The following CTNNA3 variants were observed in gnomAD, a reference collection of about 807,000 sequenced individuals.
The protein encoded by CTNNA3 is catenin alpha 3, also known as catenin alpha-3.
CTNNA3 carries 76 observed loss-of-function variants against 95.7 expected under a neutral mutation model. The observed-to-expected ratio is 0.79, with a 90% CI of 0.66 to 0.96. The LOEUF is 0.96. Among genes scored for constraint, CTNNA3 ranks in the 40% least tolerant of loss-of-function variants. CTNNA3 has a pLI of 0.00. For missense variants in CTNNA3, 1,191 were observed against 1,089.8 expected (o/e 1.09, Z -1.31); for synonymous variants, 431 against 374.4 (o/e 1.15, Z -1.74).
intron 3 of CTNNA3, among the ~76,000 whole-genome samples, chr10:67,549,755 T>C (rs749920240): frequency 1.4e-4 from 22 of 152,210 alleles, no homozygotes; most frequent in Non-Finnish European, 2.4e-4. Flanking sequence ...TGAAAAATTA[T>C]ATAAAATGTA....
At chr10:66,853,141 C>A (rs61476879) in intron 7 of CTNNA3, among the ~76,000 whole-genome samples, 1 of 152,172 alleles carries the variant, frequency 6.6e-6, no homozygotes, top group African/African-American at 2.4e-5. Flanking sequence ...CTATATGCAA[C>A]GCAAATTTTA....
At chr10:66,155,291 C>T (rs1156375470) in intron 13 of CTNNA3, among the ~76,000 whole-genome samples, 1 of 151,642 alleles carries the variant, frequency 6.6e-6, no homozygotes, top group East Asian at 1.9e-4. Flanking sequence ...TTCAGTGATT[C>T]CATAAGCCAA....
chr10:66,690,557 T>G (rs1481316199), intron 9 of CTNNA3, among the ~76,000 whole-genome samples: 13 of 150,754 alleles, frequency 8.6e-5, no homozygotes, highest in Non-Finnish European at 1.5e-4. Context: ...TTCCCACCTA[T>G]GAGTGAGAAT....
intron 13 of CTNNA3, among the ~76,000 whole-genome samples, chr10:66,252,812 A>G (rs1470768758): frequency 6.6e-6 from 1 of 152,248 alleles, no homozygotes; most frequent in African/African-American, 2.4e-5. Flanking sequence ...TTCTGGCTCC[A>G]GCCATCAGGT....
rs146661604 is a variant in CTNNA3, at chr10:65,950,395, T to G, written c.2400+16217A>C. ...TACTATCCTAGAATCTACAGCTACT[T>G]GATTTTTTTTTTTGTCTTCTCTCCC... On this transcript the variant is annotated intron_variant, in intron 17 of 17. Coordinates refer to ENST00000433211, the MANE Select transcript of CTNNA3 (RefSeq NM_013266.4). 5.7e-4 allele frequency among the ~76,000 whole-genome samples: 87 copies of G among 151,886 alleles called. 2 individuals are homozygous for G. The highest frequency in any genetic ancestry group is 2.0e-3 in the African/African-American group (84 of 41,282).
intron 7 of CTNNA3, among the ~76,000 whole-genome samples, chr10:66,903,156 G>A (rs1332109923): frequency 6.6e-6 from 1 of 152,134 alleles, no homozygotes; most frequent in East Asian, 1.9e-4. Context: ...GAATCCAGCA[G>A]CACATCAAAA....
chr10:66,618,767 A>G (rs1252997395), intron 10 of CTNNA3, among the ~76,000 whole-genome samples: 1 of 152,092 alleles, frequency 6.6e-6, no homozygotes, highest in African/African-American at 2.4e-5. Context: ...ATCAGAGTGA[A>G]CAGGCAACCT....
intron 7 of CTNNA3, among the ~76,000 whole-genome samples, chr10:67,127,119 T>C (rs1262563951): frequency 6.6e-6 from 1 of 152,226 alleles, no homozygotes; most frequent in Non-Finnish European, 1.5e-5. Context: ...TCCCGCTTTA[T>C]TTTGATGTAT....
chr10:67,482,424 T>C (rs1182138706), intron 5 of CTNNA3, among the ~76,000 whole-genome samples: 1 of 152,102 alleles, frequency 6.6e-6, no homozygotes, highest in Non-Finnish European at 1.5e-5. Context: ...TTTTATTTCA[T>C]TGAGCAGTGG....
At chr10:66,399,079 A>C (rs1270195377) in intron 11 of CTNNA3, among the ~76,000 whole-genome samples, 3 of 152,000 alleles carry the variant, frequency 2.0e-5, no homozygotes, top group Non-Finnish European at 2.9e-5. Flanking sequence ...TCCTATTTTT[A>C]GGGTTAGAGG....
intron 9 of CTNNA3, among the ~76,000 whole-genome samples, chr10:66,684,570 T>C (rs1847180668): frequency 1.3e-5 from 2 of 152,278 alleles, no homozygotes; most frequent in South Asian, 4.1e-4. Context: ...CTTCAATTAA[T>C]TAACATTTAA....
At chr10:67,367,239 G>A (rs2394377) in intron 5 of CTNNA3, among the ~76,000 whole-genome samples, 135,192 of 152,148 alleles carry the variant, frequency 0.89, 61,167 homozygotes, top group East Asian at 1. Context: ...TTCAACAAGC[G>A]AAAAACAAAT....
At chr10:67,349,651 T>A (rs1051319421) in intron 5 of CTNNA3, among the ~76,000 whole-genome samples, 2 of 152,162 alleles carry the variant, frequency 1.3e-5, no homozygotes, top group Non-Finnish European at 2.9e-5. Context: ...CCTATAGTTA[T>A]CAATACTATA....
chr10:67,717,662 G>A (rs1841152301), intron 1 of CTNNA3, among the ~76,000 whole-genome samples: 1 of 152,092 alleles, frequency 6.6e-6, no homozygotes, highest in South Asian at 2.1e-4. Flanking sequence ...CCTCTGTTCT[G>A]TTCCATTGGT....
intron 5 of CTNNA3, among the ~76,000 whole-genome samples, chr10:67,357,859 A>G (rs1343854220): frequency 6.6e-6 from 1 of 152,126 alleles, no homozygotes. Flanking sequence ...TAAAAGTCCA[A>G]GAACTTGAAC....
chr10:66,574,744 GT>G (rs1367176611), intron 10 of CTNNA3, among the ~76,000 whole-genome samples: 2 of 152,066 alleles, frequency 1.3e-5, no homozygotes, highest in Non-Finnish European at 2.9e-5. Flanking sequence ...AAGTGTAACA[GT>G]TTTTTTACTA....
chr10:66,445,698 C>A (rs946825094), intron 11 of CTNNA3, among the ~76,000 whole-genome samples: 1 of 151,686 alleles, frequency 6.6e-6, no homozygotes, highest in Non-Finnish European at 1.5e-5. Context: ...ATTTATAGCA[C>A]TAAATGCCCA....
chr10:66,728,531 C>T (rs1361437808), intron 9 of CTNNA3, among the ~76,000 whole-genome samples: 1 of 152,040 alleles, frequency 6.6e-6, no homozygotes, highest in Non-Finnish European at 1.5e-5. Context: ...AATGGTATTG[C>T]CTAATTTTCT....
intron 1 of CTNNA3, among the ~76,000 whole-genome samples, chr10:67,708,322 C>T (rs1476679962): frequency 6.6e-6 from 1 of 152,072 alleles, no homozygotes; most frequent in East Asian, 1.9e-4. Flanking sequence ...AATTCCCAGC[C>T]CACACCTTTC....
Sources: allele counts gnomAD v4.1 joint callset (sites outside exome capture counted in the v4.1 genomes callset), GRCh38; gene constraint gnomAD v4.1.1; transcripts MANE v1.5; gene names NCBI Gene and HGNC (gene_info 2026-07-23, HGNC 2026-07-21).